FSTL4: variants seen among roughly 807,000 people sequenced by gnomAD.
FSTL4 encodes follistatin-related protein 4.
A neutral mutation model predicts 78.2 loss-of-function variants in FSTL4; 28 were observed. That is an observed-to-expected ratio of 0.36 (90% CI 0.27 to 0.49). FSTL4 has a LOEUF of 0.49. FSTL4 is among the 20% of genes least tolerant of loss of function. The probability of loss-of-function intolerance (pLI) is 0.98; values close to 1 mark genes in which losing one functional copy is unlikely to be tolerated. For missense variants in FSTL4, 922 were observed against 1,084.9 expected, an observed-to-expected ratio of 0.85 and a Z score of 2.11; for synonymous variants, 422 against 440.5, an observed-to-expected ratio of 0.96 and a Z score of 0.53.
At chr5:133,261,822 C>T (rs1173278788) in intron 6 of FSTL4, among the ~76,000 whole-genome samples, 1 of 152,038 alleles carries the variant, frequency 6.6e-6, no homozygotes, top group Admixed American at 6.6e-5. Context: ...GAAACTCCAT[C>T]TCTACAAAAA....
chr5:133,376,710 G>A (rs1265915441), intron 4 of FSTL4, among the ~76,000 whole-genome samples: 1 of 152,018 alleles, frequency 6.6e-6, no homozygotes, highest in Non-Finnish European at 1.5e-5. Context: ...CCAACATGGT[G>A]AAACTCCGTC....
At chr5:133,632,318 G>C in the FSTL4 span, among the ~76,000 whole-genome samples, 1 of 152,112 alleles carries the variant, frequency 6.6e-6, no homozygotes, top group African/African-American at 2.4e-5. Flanking sequence ...AACAGATGGT[G>C]TTATAATTTT....
chr5:133,750,627 G>A, the FSTL4 span, among the ~76,000 whole-genome samples: 20 of 152,138 alleles, frequency 1.3e-4, no homozygotes, highest in East Asian at 3.9e-4. Flanking sequence ...GAGTGGGTAC[G>A]AGAAGCCCAC....
At chr5:133,439,760 A>G (rs2127002097) in intron 3 of FSTL4, among the ~76,000 whole-genome samples, 1 of 152,320 alleles carries the variant, frequency 6.6e-6, no homozygotes, top group African/African-American at 2.4e-5. Flanking sequence ...CAGGCTCCAG[A>G]TGCACATGGG....
chr5:133,566,360 A>G (rs1490114632), intron 3 of FSTL4, among the ~76,000 whole-genome samples: 1 of 152,242 alleles, frequency 6.6e-6, no homozygotes, highest in Admixed American at 6.5e-5. Flanking sequence ...TTAGTAGTCA[A>G]TATAGAATTT....
At chr5:133,210,068 T>TTTATGGATATA in intron 14 of FSTL4, 123 bp downstream of exon 14, 1 of 619,196 alleles carries the variant, frequency 1.6e-6, no homozygotes, top group Non-Finnish European at 3.0e-6. Context: ...TCCTTGAGCC[T>TTTATGGATATA]TTATGGATAT....
chr5:133,662,668 G>A, the FSTL4 span, among the ~76,000 whole-genome samples: 15 of 152,290 alleles, frequency 9.8e-5, no homozygotes, highest in African/African-American at 2.9e-4. Context: ...AGAAGAGGAC[G>A]GCAGAGAGTC....
chr5:133,283,167 T>C (rs1433727987), intron 6 of FSTL4, among the ~76,000 whole-genome samples: 2 of 152,150 alleles, frequency 1.3e-5, no homozygotes, highest in Non-Finnish European at 2.9e-5. Context: ...GTGGAGAAAC[T>C]GGGTGTCCTG....
the FSTL4 span, among the ~76,000 whole-genome samples, chr5:133,758,675 T>C: frequency 6.6e-6 from 1 of 152,260 alleles, no homozygotes; most frequent in Non-Finnish European, 1.5e-5. Flanking sequence ...TATTTATCTA[T>C]TGCAGCGTAA....
chr5:133,684,416 C>T, the FSTL4 span, among the ~76,000 whole-genome samples: 1 of 152,230 alleles, frequency 6.6e-6, no homozygotes, highest in Non-Finnish European at 1.5e-5. Context: ...TGGACTCCCT[C>T]CCAGTACTTG....
intron 6 of FSTL4, among the ~76,000 whole-genome samples, chr5:133,265,226 A>C (rs961870405): frequency 1.3e-5 from 2 of 151,918 alleles, no homozygotes; most frequent in Admixed American, 1.3e-4. Flanking sequence ...CCTGATTTCC[A>C]GCCTCATCTC....
At chr5:133,548,019 TG>T (rs1759618252) in intron 3 of FSTL4, among the ~76,000 whole-genome samples, 1 of 152,172 alleles carries the variant, frequency 6.6e-6, no homozygotes, top group African/African-American at 2.4e-5. Context: ...AACACACTGA[TG>T]TGCCAGGAGA....
the FSTL4 span, among the ~76,000 whole-genome samples, chr5:133,682,760 C>T: frequency 2.6e-5 from 4 of 152,250 alleles, no homozygotes; most frequent in South Asian, 2.1e-4. Context: ...AAAGAGGATG[C>T]GGGGTACAAA....
chr5:133,226,095 T>C (rs1751324485), intron 8 of FSTL4, among the ~76,000 whole-genome samples: 1 of 152,198 alleles, frequency 6.6e-6, no homozygotes, highest in South Asian at 2.1e-4. Flanking sequence ...ATCCAAATAT[T>C]TAATGCTGTT....
At chr5:133,341,514 C>G (rs900017532) in intron 4 of FSTL4, among the ~76,000 whole-genome samples, 6 of 152,102 alleles carry the variant, frequency 3.9e-5, no homozygotes, top group Admixed American at 3.3e-4. Context: ...AAGGAAGCAG[C>G]AGAGGATGAG....
chr5:133,641,682 G>T, the FSTL4 span, among the ~76,000 whole-genome samples: 1 of 152,126 alleles, frequency 6.6e-6, no homozygotes, highest in Admixed American at 6.5e-5. Context: ...AAAGGAAATT[G>T]TTTGAATTTG....
At chr5:133,481,517 G>A (rs928762825) in intron 3 of FSTL4, among the ~76,000 whole-genome samples, 3 of 148,618 alleles carry the variant, frequency 2.0e-5, no homozygotes, top group Non-Finnish European at 3.0e-5. Flanking sequence ...ACTCCAGCCC[G>A]GGTGACAGAG....
chr5:133,539,429 C>T (rs144520062), intron 3 of FSTL4, among the ~76,000 whole-genome samples: 1 of 152,260 alleles, frequency 6.6e-6, no homozygotes, highest in Non-Finnish European at 1.5e-5. Context: ...GATTCAGCTC[C>T]TCGCACACCA....
chr5:133,708,287 G>T, the FSTL4 span, among the ~76,000 whole-genome samples: 3 of 152,084 alleles, frequency 2.0e-5, no homozygotes, highest in Non-Finnish European at 4.4e-5. Context: ...CTTGTATTTG[G>T]CTCTGGCTAC....
Sources: allele counts gnomAD v4.1 joint callset (sites outside exome capture counted in the v4.1 genomes callset), GRCh38; gene constraint gnomAD v4.1.1; transcripts MANE v1.5; gene names NCBI Gene and HGNC (gene_info 2026-07-23, HGNC 2026-07-21).